Variants in SV2C observed in about 807,000 individuals in gnomAD.
SV2C encodes the protein solute carrier family 22 member B3.
Under a neutral mutation model 79.7 loss-of-function variants are expected in SV2C, and 49 were observed. The ratio of observed to expected loss-of-function variants is 0.61; its 90% CI spans 0.49 to 0.78. SV2C has a LOEUF of 0.78. Among genes scored for constraint, SV2C ranks in the 30% least tolerant of loss-of-function variants. The pLI is 0.00. For synonymous variants in SV2C, 334 were observed against 333.2 expected, an observed-to-expected ratio of 1.00 and a Z score of -0.03; for missense variants, 833 against 912.9, an observed-to-expected ratio of 0.91 and a Z score of 1.13.
At chr5:76,050,832 A>G in the SV2C span, among the ~76,000 whole-genome samples, 1 of 152,212 alleles carries the variant, frequency 6.6e-6, no homozygotes, top group African/African-American at 2.4e-5. Flanking sequence ...TTAGTTTGGA[A>G]GGATGTGATT....
chr5:76,091,708 T>G (rs1338663409), intron 1 of SV2C: 1 of 152,136 alleles, frequency 6.6e-6, no homozygotes, highest in Non-Finnish European at 1.5e-5. Flanking sequence ...TTTTTTTTTT[T>G]TTAAGCCTAC....
At chr5:76,185,002 A>G (rs1321137868) in intron 2 of SV2C, among the ~76,000 whole-genome samples, 3 of 152,246 alleles carry the variant, frequency 2.0e-5, no homozygotes, top group African/African-American at 7.2e-5. Context: ...TACTTCCTAG[A>G]TACAATGGGG....
At chr5:76,050,306 T>C in the SV2C span, among the ~76,000 whole-genome samples, 1 of 152,140 alleles carries the variant, frequency 6.6e-6, no homozygotes, top group Middle Eastern at 3.2e-3. Context: ...CTTTCATGAC[T>C]AAACATGTCA....
At chr5:76,087,916 A>G (rs2112090033) in intron 1 of SV2C, among the ~76,000 whole-genome samples, 1 of 152,356 alleles carries the variant, frequency 6.6e-6, no homozygotes, top group South Asian at 2.1e-4. Flanking sequence ...AGACAGTTAT[A>G]TATTTGGTAG....
At chr5:75,922,440 A>G in the SV2C span, among the ~76,000 whole-genome samples, 3 of 150,106 alleles carry the variant, frequency 2.0e-5, no homozygotes, top group Non-Finnish European at 4.4e-5. Flanking sequence ...AACTCATAAA[A>G]AGTAAAGTAA....
intron 4 of SV2C, among the ~76,000 whole-genome samples, chr5:76,264,730 T>C (rs1374328061): frequency 1.3e-5 from 2 of 152,184 alleles, no homozygotes; most frequent in Non-Finnish European, 2.9e-5. Flanking sequence ...GGCGGTCGGC[T>C]CCAGAGCCTA....
At chr5:76,004,204 T>C in the SV2C span, among the ~76,000 whole-genome samples, 6 of 152,208 alleles carry the variant, frequency 3.9e-5, no homozygotes, top group African/African-American at 1.4e-4. Flanking sequence ...TAATGGCGCT[T>C]ATGGTTAAGG....
At chr5:75,864,518 C>T in the SV2C span, among the ~76,000 whole-genome samples, 2 of 152,094 alleles carry the variant, frequency 1.3e-5, no homozygotes, top group African/African-American at 4.8e-5. Context: ...CTCCTTTTTC[C>T]TGACTGGGCA....
chr5:76,099,636 GGATCTCTA>G (rs1747672672), intron 1 of SV2C, among the ~76,000 whole-genome samples: 2 of 152,122 alleles, frequency 1.3e-5, no homozygotes, highest in South Asian at 4.1e-4. Context: ...CTGGGAATCA[GGATCTCTA>G]GCTTCTCAAC....
At chr5:75,930,382 T>A in the SV2C span, among the ~76,000 whole-genome samples, 1 of 152,264 alleles carries the variant, frequency 6.6e-6, no homozygotes, top group Non-Finnish European at 1.5e-5. Context: ...CCAGTTTTTT[T>A]CTGTGAGCAT....
At chr5:76,252,266 C>G (rs1746137685) in intron 4 of SV2C, among the ~76,000 whole-genome samples, 1 of 152,086 alleles carries the variant, frequency 6.6e-6, no homozygotes, top group South Asian at 2.1e-4. Context: ...ACTACAGGCT[C>G]CCACCACCAT....
At chr5:76,165,880 T>C (rs1743030254) in intron 2 of SV2C, among the ~76,000 whole-genome samples, 1 of 152,128 alleles carries the variant, frequency 6.6e-6, no homozygotes, top group Admixed American at 6.5e-5. Flanking sequence ...AAGCAGGAAC[T>C]GAATTGAGAT....
chr5:75,987,689 CA>C, the SV2C span, among the ~76,000 whole-genome samples: 1 of 152,014 alleles, frequency 6.6e-6, no homozygotes, highest in East Asian at 1.9e-4. Flanking sequence ...TCATTTCTCT[CA>C]TAAAATAAAA....
intron 2 of SV2C, among the ~76,000 whole-genome samples, chr5:76,190,777 T>TA (rs375872141): frequency 2.0e-5 from 3 of 152,128 alleles, no homozygotes; most frequent in Admixed American, 6.5e-5. Context: ...TAATAACATC[T>TA]AAAAAAATGA....
chr5:75,860,736 A>C, the SV2C span, among the ~76,000 whole-genome samples: 1 of 152,244 alleles, frequency 6.6e-6, no homozygotes, highest in Non-Finnish European at 1.5e-5. Context: ...TAGTACAAAA[A>C]CACATAGACT....
intron 4 of SV2C, among the ~76,000 whole-genome samples, chr5:76,258,806 G>T (rs967575953): frequency 6.6e-6 from 1 of 152,070 alleles, no homozygotes; most frequent in East Asian, 1.9e-4. Flanking sequence ...CCCATCACCC[G>T]TATTTCAGTC....
chr5:76,229,611 T>G (rs1035613431), intron 4 of SV2C, among the ~76,000 whole-genome samples: 1 of 152,212 alleles, frequency 6.6e-6, no homozygotes, highest in Non-Finnish European at 1.5e-5. Context: ...AAAGCTAAAG[T>G]GTAGTTAGCC....
the SV2C span, among the ~76,000 whole-genome samples, chr5:75,935,750 A>C: frequency 2.0e-5 from 3 of 152,198 alleles, no homozygotes; most frequent in Admixed American, 2.0e-4. Context: ...GCAACAGATC[A>C]GAGAGATTGT....
rs866785497 is a variant in SV2C at position 76,130,181 on chromosome 5, G to T, written c.-101-1469G>T. ...AAAAAAAAAAAAAAAAAAAAAAAAA[G>T]AGCTGGGGGAGAACAAACAGAAAAA... On this transcript the variant is annotated intron_variant, in intron 1 of 12. Coordinates refer to ENST00000502798, the MANE Select transcript of SV2C (RefSeq NM_014979.4). Among the ~76,000 whole-genome samples the T allele has an allele frequency of 5.8e-5, 4 of 69,246 alleles. 1 individual carries two copies. The Admixed American group carries it at 6.4e-4, about 11-fold the overall frequency. 45.4% of individuals were successfully genotyped at this position (69,246 alleles called of 152,430 possible). A position where few individuals can be genotyped will look rare whatever the true frequency, so the allele number is the denominator to read the frequency against.
Sources: allele counts gnomAD v4.1 joint callset (sites outside exome capture counted in the v4.1 genomes callset), GRCh38; gene constraint gnomAD v4.1.1; transcripts MANE v1.5; gene names NCBI Gene and HGNC (gene_info 2026-07-23, HGNC 2026-07-21).